The following GPR39 variants were observed in gnomAD, a reference collection of about 807,000 sequenced individuals.
The protein encoded by GPR39 is zinc sensing receptor.
Under a neutral mutation model 18.4 loss-of-function variants are expected in GPR39, and 23 were observed. That is an observed-to-expected ratio of 1.25 (90% CI 0.90 to 1.77). GPR39 has a LOEUF of 1.77. Ranked by LOEUF, GPR39 falls within the 40% of genes most tolerant of loss-of-function variation. The pLI, the probability that GPR39 is intolerant of heterozygous loss-of-function variation, is 0.00. For missense variants in GPR39, 647 were observed against 602.4 expected (o/e 1.07, Z -0.78); for synonymous variants, 280 against 257.9 (o/e 1.09, Z -0.82).
chr2:132,423,268 G>T (rs961303476), intron 1 of GPR39, among the ~76,000 whole-genome samples: 4 of 150,206 alleles, frequency 2.7e-5, no homozygotes, highest in Non-Finnish European at 4.4e-5. Flanking sequence ...TCTTCTCATT[G>T]TGTCCTGACC....
At chr2:132,541,200 C>G (rs1402169142) in intron 1 of GPR39, among the ~76,000 whole-genome samples, 3 of 152,178 alleles carry the variant, frequency 2.0e-5, no homozygotes, top group Non-Finnish European at 2.9e-5. Context: ...TCTCTCAACT[C>G]AGCCTCCCCA....
chr2:132,435,820 A>AGG (rs942435857), intron 1 of GPR39, among the ~76,000 whole-genome samples: 9 of 152,360 alleles, frequency 5.9e-5, no homozygotes, highest in Admixed American at 5.2e-4. Flanking sequence ...TAAGACATGA[A>AGG]GGGGATATGG....
chr2:132,515,990 T>G (rs187810535), intron 1 of GPR39, among the ~76,000 whole-genome samples: 18 of 152,314 alleles, frequency 1.2e-4, no homozygotes, highest in African/African-American at 4.3e-4. Context: ...TTGTATTATT[T>G]TCTCCTGTTA....
At chr2:132,507,178 A>T (rs569695317) in intron 1 of GPR39, among the ~76,000 whole-genome samples, 1 of 152,250 alleles carries the variant, frequency 6.6e-6, no homozygotes, top group South Asian at 2.1e-4. Context: ...CAACATTCAA[A>T]CCATAGCAGC....
At chr2:132,628,080 C>T (rs1366363860) in intron 1 of GPR39, among the ~76,000 whole-genome samples, 4 of 152,202 alleles carry the variant, frequency 2.6e-5, no homozygotes, top group Admixed American at 6.5e-5. Flanking sequence ...TTTTCTCCAT[C>T]TCAGATGCAT....
chr2:132,442,435 G>T (rs1008182591), intron 1 of GPR39, among the ~76,000 whole-genome samples: 2 of 152,148 alleles, frequency 1.3e-5, no homozygotes, highest in East Asian at 3.9e-4. Context: ...AGAGCACACA[G>T]ATGCTCTAAA....
At chr2:132,544,051 C>T (rs1038724775) in intron 1 of GPR39, among the ~76,000 whole-genome samples, 8 of 152,194 alleles carry the variant, frequency 5.3e-5, no homozygotes, top group Admixed American at 1.3e-4. Flanking sequence ...AGAGTTCAGT[C>T]GTCAGTTTCC....
At chr2:132,491,669 T>A (rs1329908052) in intron 1 of GPR39, among the ~76,000 whole-genome samples, 1 of 151,828 alleles carries the variant, frequency 6.6e-6, no homozygotes, top group Non-Finnish European at 1.5e-5. Context: ...GGGAAGGGGT[T>A]AGGAATGGAG....
At chr2:132,571,232 T>C (rs3115017) in intron 1 of GPR39, among the ~76,000 whole-genome samples, 103,839 of 152,166 alleles carry the variant, frequency 0.68, 37,012 homozygotes, top group East Asian at 0.92. Context: ...CTTACATGGA[T>C]GATTTGGATC....
At chr2:132,639,982 A>G (rs1331425434) in intron 1 of GPR39, among the ~76,000 whole-genome samples, 3 of 152,124 alleles carry the variant, frequency 2.0e-5, no homozygotes, top group Admixed American at 2.0e-4. Flanking sequence ...CCAGTGTTCT[A>G]AGTAGTATGA....
chr2:132,507,965 G>T (rs1209732818), intron 1 of GPR39, among the ~76,000 whole-genome samples: 1 of 152,178 alleles, frequency 6.6e-6, no homozygotes, highest in Non-Finnish European at 1.5e-5. Context: ...ATTTCATTAT[G>T]TAGGCATGGT....
intron 1 of GPR39, among the ~76,000 whole-genome samples, chr2:132,452,212 C>T (rs1217130976): frequency 6.6e-6 from 1 of 152,066 alleles, no homozygotes; most frequent in Non-Finnish European, 1.5e-5. Flanking sequence ...CTTTCTTTAT[C>T]TTTGGAGTCT....
intron 1 of GPR39, among the ~76,000 whole-genome samples, chr2:132,544,550 C>A (rs1184181331): frequency 6.6e-6 from 1 of 152,216 alleles, no homozygotes; most frequent in Non-Finnish European, 1.5e-5. Flanking sequence ...CCTCACTCTG[C>A]CCCAGGCTTG....
intron 1 of GPR39, among the ~76,000 whole-genome samples, chr2:132,423,288 C>A (rs1350500903): frequency 6.7e-6 from 1 of 150,352 alleles, no homozygotes; most frequent in South Asian, 2.2e-4. Context: ...CTGGCCTTCT[C>A]TGCACATGTG....
intron 1 of GPR39, among the ~76,000 whole-genome samples, chr2:132,514,852 CTT>C (rs1297948420): frequency 6.6e-6 from 1 of 152,094 alleles, no homozygotes; most frequent in African/African-American, 2.4e-5. Context: ...TTGAACAATC[CTT>C]TTTTCTCTCT....
In GPR39 at chr2:132,618,677, C is replaced by T. The variant is rs189376703; in HGVS notation, c.857-26424C>T. Among the ~76,000 whole-genome samples the T allele has an allele frequency of 1.6e-3, 246 of 152,248 alleles. 1 individual carries two copies. The highest frequency in any genetic ancestry group is 6.8e-3 in the Middle Eastern group (2 of 294). On this transcript the variant is annotated intron_variant, in intron 1 of 1. Transcript: ENST00000329321. ...CATGCACCAGGGATGAAGCAGAGCC[C>T]CCTTCCCACATAAGCAGGCAAATTA...
chr2:132,533,962 CA>C (rs1573651817), intron 1 of GPR39, among the ~76,000 whole-genome samples: 1 of 152,132 alleles, frequency 6.6e-6, no homozygotes, highest in African/African-American at 2.4e-5. Context: ...ACACCAAAAG[CA>C]ATGGCAACAA....
Position 132,580,055 on chromosome 2 carries a change from G to A in GPR39, c.857-65046G>A, listed in dbSNP as rs573725861. On this transcript the variant is annotated intron_variant, in intron 1 of 1. Transcript: ENST00000329321. Reference sequence around the variant, plus strand: ...TTTGAAAATTGTGAGCTCTATGAGAGGTAGTGTTGGCAAAATGATTACAAG... The same window carrying A: ...TTTGAAAATTGTGAGCTCTATGAGAAGTAGTGTTGGCAAAATGATTACAAG... 5.3e-5 allele frequency among the ~76,000 whole-genome samples: 8 copies of A among 152,334 alleles called. No homozygotes were observed. In the East Asian group the frequency reaches 1.5e-3, roughly 29 times the overall value.
chr2:132,425,879 C>T (rs1386727518), intron 1 of GPR39, among the ~76,000 whole-genome samples: 3 of 151,688 alleles, frequency 2.0e-5, no homozygotes, highest in African/African-American at 7.3e-5. Context: ...AGGTAAAATT[C>T]CCCCCCAGAA....
Sources: allele counts gnomAD v4.1 joint callset (sites outside exome capture counted in the v4.1 genomes callset), GRCh38; gene constraint gnomAD v4.1.1; transcripts MANE v1.5; gene names NCBI Gene and HGNC (gene_info 2026-07-23, HGNC 2026-07-21).